The following RYR3 variants were observed in gnomAD, a reference collection of about 807,000 sequenced individuals.
RYR3 encodes ryanodine receptor 3.
In RYR3, 207 loss-of-function variants were observed where a neutral mutation model predicts 584.3. The observed-to-expected ratio is 0.35, with a 90% confidence interval of 0.32 to 0.40. RYR3 has a LOEUF of 0.40. Among genes scored for constraint, RYR3 ranks in the 10% least tolerant of loss-of-function variants. RYR3 has a pLI of 1.00. For missense variants in RYR3, 5,616 were observed against 6,089.2 expected (o/e 0.92, Z 2.59); for synonymous variants, 2,416 against 2,248.5 (o/e 1.07, Z -2.11).
At chr15:33,703,459 G>T (rs1037304694) in intron 42 of RYR3, among the ~76,000 whole-genome samples, 2 of 152,170 alleles carry the variant, frequency 1.3e-5, no homozygotes, top group Admixed American at 1.3e-4. Context: ...CTTGCAGATG[G>T]CCACTGTTTT....
At chr15:33,817,768 T>C (rs1008815340) in intron 75 of RYR3, among the ~76,000 whole-genome samples, 1 of 152,198 alleles carries the variant, frequency 6.6e-6, no homozygotes. Context: ...CTCCGTTGGT[T>C]TTCTCAGTTT....
intron 38 of RYR3, among the ~76,000 whole-genome samples, chr15:33,671,373 C>G (rs2172854): frequency 0.79 from 119,982 of 152,208 alleles, 49,163 homozygotes; most frequent in East Asian, 0.92. Context: ...CTTGGAACAC[C>G]CTTTCAAATC....
In RYR3 at chr15:33,388,957, C is replaced by T. The variant is rs560125339; in HGVS notation, c.51+77861C>T. 2.0e-5 allele frequency among the ~76,000 whole-genome samples: 3 copies of T among 151,616 alleles called. No individual in the cohort carries two copies. In the South Asian group the frequency reaches 6.3e-4, roughly 32 times the overall value. ...GTCCTTTGTAGGAACATGGATGAAG[C>T]TGGAAATCATCATTCTCAGCAAACT... On this transcript the variant is annotated intron_variant, in intron 1 of 103. Coordinates refer to ENST00000634891, the MANE Select transcript of RYR3 (RefSeq NM_001036.6).
At chr15:33,700,849 C>T (rs371592562) in intron 41 of RYR3, 128 bp from the exon 42 acceptor site, 19 of 585,934 alleles carry the variant, frequency 3.2e-5, no homozygotes, top group East Asian at 1.4e-4. Flanking sequence ...CATTGGAGAA[C>T]GGTCATGTAA....
At chr15:33,857,504 A>T (rs1196168595) in intron 98 of RYR3, among the ~76,000 whole-genome samples, 1 of 152,142 alleles carries the variant, frequency 6.6e-6, no homozygotes, top group East Asian at 1.9e-4. Flanking sequence ...ACTGGAGGCC[A>T]GGACCTCAGC....
intron 43 of RYR3, among the ~76,000 whole-genome samples, chr15:33,711,368 T>C (rs8033768): frequency 0.081 from 12,144 of 150,782 alleles, 1,042 homozygotes; most frequent in African/African-American, 0.22. Context: ...CTCAGCCTCC[T>C]GAGTAGCTGG....
intron 85 of RYR3, among the ~76,000 whole-genome samples, chr15:33,830,583 ATGCC>A (rs2077617814): frequency 6.6e-6 from 1 of 151,918 alleles, no homozygotes; most frequent in Non-Finnish European, 1.5e-5. Context: ...GAATCTCTAC[ATGCC>A]TGTATATGTA....
At chr15:33,750,650 G>A (rs1050784192) in intron 57 of RYR3, among the ~76,000 whole-genome samples, 2 of 152,144 alleles carry the variant, frequency 1.3e-5, no homozygotes, top group African/African-American at 4.8e-5. Flanking sequence ...CAACCTCAAA[G>A]CTTTGGAATT....
At chr15:33,640,843 G>A (rs776512284) in intron 27 of RYR3, among the ~76,000 whole-genome samples, 16 of 152,198 alleles carry the variant, frequency 1.1e-4, no homozygotes, top group Non-Finnish European at 2.2e-4. Flanking sequence ...CTATTAGGAT[G>A]CATGTAGGGA....
At chr15:33,710,730 T>G (rs1338106700) in intron 43 of RYR3, among the ~76,000 whole-genome samples, 4 of 152,362 alleles carry the variant, frequency 2.6e-5, no homozygotes, top group East Asian at 3.9e-4. Context: ...TGTTGCATTT[T>G]GCATACCTAC....
chr15:33,712,844 A>G (rs1386186481), intron 43 of RYR3, among the ~76,000 whole-genome samples: 2 of 152,210 alleles, frequency 1.3e-5, no homozygotes, highest in Non-Finnish European at 2.9e-5. Context: ...ACCTAACCTC[A>G]GTGCTTTTTT....
chr15:33,425,824 A>T (rs542241307), intron 1 of RYR3, among the ~76,000 whole-genome samples: 2 of 151,720 alleles, frequency 1.3e-5, no homozygotes, highest in East Asian at 3.9e-4. Context: ...TTGTATTTTT[A>T]GTAGAGACGG....
chr15:33,813,558 C>T lies in RYR3; in HGVS notation c.10481C>T (p.Ala3494Val). 1 of 1,613,818 alleles carries T rather than the reference C, an allele frequency of 6.2e-7. No homozygotes were observed. The highest frequency in any genetic ancestry group is 8.5e-7 in the Non-Finnish European group (1 of 1,179,772). Residue 3494 changes from alanine (A) to valine (V), a missense_variant, in exon 74 of 104, where the codon GCC (alanine) becomes GTC (valine). Physicochemically the swap from Ala to Val is moderately conservative, Grantham distance 64. This residue lies in a region of RYR3 where 954 missense variants were observed against 1,132.2 expected (regional missense o/e 0.84). Transcript: ENST00000634891. ...KRAVVACFRM[A>V]PLYNLPRHRS... ...GCAGTGGTGGCCTGTTTCAGGATGGCCCCTCTCTACAACCTGCCCAGGCAA... is the reference window on the plus strand; with the variant it reads ...GCAGTGGTGGCCTGTTTCAGGATGGTCCCTCTCTACAACCTGCCCAGGCAA...
chr15:33,802,174 G>T, intron 69 of RYR3: 1 of 696,610 alleles, frequency 1.4e-6, no homozygotes, highest in Non-Finnish European at 2.7e-6. Flanking sequence ...ATAGCTGCTT[G>T]TATGTCAAAA....
chr15:33,511,061 T>C (rs1484933986), intron 3 of RYR3, among the ~76,000 whole-genome samples: 1 of 152,132 alleles, frequency 6.6e-6, no homozygotes, highest in Non-Finnish European at 1.5e-5. Flanking sequence ...TTGATATAAT[T>C]GATTGCAATT....
intron 33 of RYR3, 74 bp downstream of exon 33, chr15:33,659,880 G>A: frequency 9.5e-7 from 1 of 1,050,698 alleles, no homozygotes; most frequent in Non-Finnish European, 1.5e-6. Flanking sequence ...AAAATCCCAG[G>A]CCTCAGAAGA....
intron 2 of RYR3, among the ~76,000 whole-genome samples, chr15:33,476,991 A>T (rs1020778085): frequency 6.6e-6 from 1 of 152,126 alleles, no homozygotes; most frequent in African/African-American, 2.4e-5. Flanking sequence ...CTTCTCCCTT[A>T]TTACTAAATA....
At chr15:33,637,474 G>A (rs1161672361) in intron 27 of RYR3, among the ~76,000 whole-genome samples, 2 of 152,220 alleles carry the variant, frequency 1.3e-5, no homozygotes, top group Non-Finnish European at 2.9e-5. Context: ...CAGGAGACCT[G>A]GACGCTCACC....
intron 31 of RYR3, among the ~76,000 whole-genome samples, chr15:33,649,509 T>C (rs987909814): frequency 1.3e-5 from 2 of 152,212 alleles, no homozygotes; most frequent in Non-Finnish European, 2.9e-5. Flanking sequence ...TCAGAGTTTT[T>C]TTCCAGGACT....
Sources: gnomAD v4.1 joint callset for allele counts (sites outside exome capture counted in the v4.1 genomes callset) on GRCh38, gnomAD v4.1.1 for gene constraint, gnomAD v4.1.1 regional missense constraint, MANE v1.5 for transcripts, NCBI Gene and HGNC (gene_info 2026-07-23, HGNC 2026-07-21) for gene names.